CHODL: variants seen among roughly 807,000 people sequenced by gnomAD.
CHODL encodes the protein transmembrane protein MT75.
CHODL carries 29 observed loss-of-function variants against 34.5 expected under a neutral mutation model. The observed-to-expected ratio is 0.84, with a 90% CI of 0.63 to 1.15. CHODL has a LOEUF of 1.15. Ranked by LOEUF, CHODL falls within the 50% of genes most tolerant of loss-of-function variation. CHODL has a pLI of 0.00. For synonymous variants in CHODL, 125 were observed against 116.1 expected (o/e 1.08, Z -0.49); for missense variants, 332 against 332.5 (o/e 1.00, Z 0.01).
chr21:18,047,617 G>A (rs1437084149), intron 2 of CHODL, among the ~76,000 whole-genome samples: 7 of 151,888 alleles, frequency 4.6e-5, no homozygotes, highest in Non-Finnish European at 1.0e-4. Flanking sequence ...ATTCACCGTT[G>A]CAATAAATAT....
At chr21:18,106,995 C>T (rs994274392) in intron 2 of CHODL, among the ~76,000 whole-genome samples, 1 of 152,122 alleles carries the variant, frequency 6.6e-6, no homozygotes, top group African/African-American at 2.4e-5. Context: ...ATTTCCTGCC[C>T]TAGAGAGCCA....
intron 2 of CHODL, among the ~76,000 whole-genome samples, chr21:18,077,133 A>G (rs191728958): frequency 6.6e-6 from 1 of 152,208 alleles, no homozygotes. Context: ...GTCAAAGAAT[A>G]CCTTCAAACC....
intron 2 of CHODL, among the ~76,000 whole-genome samples, chr21:18,043,779 A>T (rs1321685078): frequency 6.6e-6 from 1 of 151,972 alleles, no homozygotes; most frequent in Non-Finnish European, 1.5e-5. Context: ...TATAAAGAAA[A>T]AGAGGTTTAA....
At chr21:18,062,717 G>A (rs557532561) in intron 2 of CHODL, among the ~76,000 whole-genome samples, 29 of 152,106 alleles carry the variant, frequency 1.9e-4, no homozygotes, top group South Asian at 4.1e-4. Context: ...AGTGAGCCGA[G>A]ATAGCACCAC....
chr21:18,133,257 T>C (rs796109902), intron 2 of CHODL, among the ~76,000 whole-genome samples: 2 of 152,288 alleles, frequency 1.3e-5, no homozygotes, highest in Non-Finnish European at 1.5e-5. Context: ...AATTGTTCGA[T>C]GTTCATTATT....
chr21:18,256,635 T>C lies in CHODL; in HGVS notation c.206T>C (p.Leu69Pro). The C allele has an allele frequency of 2.5e-6, 4 of 1,614,096 alleles. No homozygotes were observed. In the South Asian group the frequency reaches 4.4e-5, roughly 18 times the overall value. Reference sequence around the variant, plus strand: ...TGTGAGAGTGAGGGAGGAGTCCTCCTCAGCCTTGAGAATGAAGCAGAACAG... The same window carrying C: ...TGTGAGAGTGAGGGAGGAGTCCTCCCCAGCCTTGAGAATGAAGCAGAACAG... ...LACESEGGVL[L>P]SLENEAEQKL... is the part of the protein sequence containing the mutation. The change falls in exon 2 of 6, where the codon CTC becomes CCC. Residue 69 changes from leucine to proline, a missense_variant. Coordinates refer to ENST00000299295, the MANE Select transcript of CHODL (RefSeq NM_024944.3).
chr21:18,089,901 G>A (rs1014814499), intron 2 of CHODL, among the ~76,000 whole-genome samples: 10 of 152,152 alleles, frequency 6.6e-5, no homozygotes, highest in African/African-American at 1.4e-4. Context: ...GTTTTATAGC[G>A]GAAGAGGGTT....
In CHODL at chr21:18,038,727, A is replaced by C. The variant is rs185010328; in HGVS notation, c.-45+10756A>C. ...ATACTTCAGAGTAGAGGTGCATAGA[A>C]AACTTAATGACCATGAGATATGAGT... is the stretch of plus-strand genomic sequence containing the variant. On this transcript the variant is annotated intron_variant, in intron 2 of 6. Coordinates refer to the CHODL transcript ENST00000400127. Among the ~76,000 whole-genome samples the C allele has an allele frequency of 1.6e-3, 236 of 151,848 alleles. 1 individual carries two copies. Among genetic ancestry groups the C allele is most frequent in the African/African-American group, 5.6e-3 (231 of 41,536 alleles).
intron 1 of CHODL, among the ~76,000 whole-genome samples, chr21:17,977,284 A>G (rs1005148838): frequency 6.6e-6 from 1 of 152,156 alleles, no homozygotes; most frequent in East Asian, 1.9e-4. Context: ...ATGTTTTTCA[A>G]GATTAGATGT....
At chr21:18,220,637 T>G (rs2073874214) in intron 2 of CHODL, among the ~76,000 whole-genome samples, 1 of 152,124 alleles carries the variant, frequency 6.6e-6, no homozygotes, top group African/African-American at 2.4e-5. Context: ...ATGGAAAACT[T>G]TATTTCTCTT....
intron 2 of CHODL, among the ~76,000 whole-genome samples, chr21:18,231,501 C>A (rs950303289): frequency 6.6e-6 from 1 of 151,726 alleles, no homozygotes; most frequent in African/African-American, 2.4e-5. Context: ...CTAGACAGAG[C>A]ATTGAACTGG....
At chr21:17,941,487 C>T (rs1453487678) in intron 1 of CHODL, among the ~76,000 whole-genome samples, 2 of 149,846 alleles carry the variant, frequency 1.3e-5, no homozygotes, top group African/African-American at 4.9e-5. Context: ...GTACAACCAC[C>T]CTGGCTTTCT....
chr21:17,959,185 G>A (rs1190025544), intron 1 of CHODL, among the ~76,000 whole-genome samples: 1 of 152,078 alleles, frequency 6.6e-6, no homozygotes, highest in African/African-American at 2.4e-5. Context: ...CTTAAGTCCT[G>A]GGTGTCAAGT....
At chr21:18,248,889 TAATATAATAC>T (rs2074190763) in intron 1 of CHODL, among the ~76,000 whole-genome samples, 1 of 118,614 alleles carries the variant, frequency 8.4e-6, no homozygotes, top group African/African-American at 3.5e-5. Flanking sequence ...ATTGTACCTA[TAATATAATAC>T]ATATATATGT....
chr21:18,021,668 C>G (rs1333885300), intron 1 of CHODL, among the ~76,000 whole-genome samples: 2 of 152,082 alleles, frequency 1.3e-5, no homozygotes, highest in Non-Finnish European at 2.9e-5. Context: ...TTCAGAGTGA[C>G]AGTATTAATA....
At chr21:18,014,764 C>A (rs2146417701) in intron 1 of CHODL, among the ~76,000 whole-genome samples, 1 of 152,346 alleles carries the variant, frequency 6.6e-6, no homozygotes, top group African/African-American at 2.4e-5. Flanking sequence ...GAGGTCTCTT[C>A]AGAAGGCGAG....
At chr21:18,163,713 T>G (rs7283449) in intron 2 of CHODL, among the ~76,000 whole-genome samples, 152,230 of 152,230 alleles carry the variant, frequency 1, 76,115 homozygotes, top group Non-Finnish European at 1. Context: ...TTGGGGGCTA[T>G]TTTAAGTTTC....
chr21:18,126,982 A>G (rs771474146), intron 2 of CHODL, among the ~76,000 whole-genome samples: 3 of 152,184 alleles, frequency 2.0e-5, no homozygotes, highest in Non-Finnish European at 4.4e-5. Context: ...GAACTCTCAC[A>G]ATGCCACTTC....
At chr21:18,152,671 G>A (rs2072985119) in intron 2 of CHODL, among the ~76,000 whole-genome samples, 1 of 152,194 alleles carries the variant, frequency 6.6e-6, no homozygotes, top group Non-Finnish European at 1.5e-5. Flanking sequence ...TCCAACTCCA[G>A]TTTGCTAAGA....
Sources: allele counts gnomAD v4.1 joint callset (sites outside exome capture counted in the v4.1 genomes callset), GRCh38; gene constraint gnomAD v4.1.1; transcripts MANE v1.5; gene names NCBI Gene and HGNC (gene_info 2026-07-23, HGNC 2026-07-21).